Variants in VWA1 observed in about 807,000 individuals in gnomAD.
VWA1 encodes von Willebrand factor A domain-containing protein 1.
VWA1 carries 12 observed loss-of-function variants against 14.9 expected under a neutral mutation model. That is an observed-to-expected ratio of 0.80 (90% CI 0.52 to 1.30). The LOEUF is 1.30. Ranked by LOEUF, VWA1 falls within the 50% of genes most tolerant of loss-of-function variation. The pLI, the probability that VWA1 is intolerant of heterozygous loss-of-function variation, is 0.00. For missense variants in VWA1, 800 were observed against 649.1 expected, an observed-to-expected ratio of 1.23 and a Z score of -2.53; for synonymous variants, 368 against 310.7, an observed-to-expected ratio of 1.18 and a Z score of -1.94.
chr1:1,438,886 G>C (rs563504367), intron 2 of VWA1, among the ~76,000 whole-genome samples, 195 bp from the exon 3 acceptor site: 43 of 152,300 alleles, frequency 2.8e-4, no homozygotes, highest in African/African-American at 9.4e-4. Context: ...CCTTTCCTCC[G>C]TCCTCCCCCA....
Position 1,439,272 on chromosome 1 carries a change from C to T in VWA1, c.823C>T (p.Pro275Ser). ...GGACTGGATCTGGGCCGGCCTCGAC[C>T]CGGACACGGACTACGACGTGGCGCT... is the stretch of plus-strand genomic sequence containing the variant. ...ATDWIWAGLD[P>S]DTDYDVALVP... Residue 275 changes from proline to serine, a missense_variant, in exon 3 of 3, where the codon CCG becomes TCG. Pro to Ser is a moderately conservative substitution (Grantham distance 74). Transcript: ENST00000476993. The T allele has an allele frequency of 6.2e-7, 1 of 1,605,728 alleles. No individual in the cohort carries two copies.
Position 1,439,309 on chromosome 1 carries a change from C to T in VWA1, c.860C>T (p.Ser287Phe). ...TDYDVALVPE[S>F]NVRLLRPQIL... ...TACGACGTGGCGCTAGTGCCTGAGT[C>T]CAACGTGCGCCTCCTGAGGCCCCAG... The change falls in exon 3 of 3, where the codon TCC becomes TTC. Residue 287 changes from serine (S) to phenylalanine (F), a missense_variant. Coordinates refer to ENST00000476993, the MANE Select transcript of VWA1 (RefSeq NM_022834.5). 1 of 1,592,522 alleles carries T rather than the reference C, an allele frequency of 6.3e-7. No homozygotes were observed. The highest frequency in any genetic ancestry group is 8.5e-7 in the Non-Finnish European group (1 of 1,174,086).
intron 1 of VWA1, 182 bp from the exon 2 acceptor site, chr1:1,436,745 G>A: frequency 1.6e-6 from 1 of 614,766 alleles, no homozygotes; most frequent in Non-Finnish European, 2.8e-6. Context: ...CATGGCCAGT[G>A]TGCAGTGAAA....
At position 1,440,464 on chromosome 1, in the gene VWA1, C is replaced by T. The variant is rs971888568; in HGVS notation, c.*677C>T. On this transcript the variant is annotated 3_prime_UTR_variant, in exon 3 of 3. Coordinates refer to ENST00000476993, the MANE Select transcript of VWA1 (RefSeq NM_022834.5). Reference sequence around the variant, plus strand: ...ACCCGCCCACCGCCACTATCAGGCCCCGGGACCGCACTGACAGGAAACCTT... The same window carrying T: ...ACCCGCCCACCGCCACTATCAGGCCTCGGGACCGCACTGACAGGAAACCTT... The T allele has an allele frequency of 4.8e-5, 8 of 166,894 alleles. No homozygotes were observed. Among genetic ancestry groups the T allele is most frequent in the African/African-American group, 1.7e-4 (7 of 41,436 alleles). 10.3% of individuals were successfully genotyped at this position (166,894 alleles called of 1,614,324 possible).
Position 1,439,180 on chromosome 1 carries a change from T to C in VWA1, c.731T>C (p.Val244Ala). 2 of 1,605,696 alleles carry C rather than the reference T, an allele frequency of 1.2e-6. No homozygotes were observed. The highest frequency in any genetic ancestry group is 1.7e-6 in the Non-Finnish European group (2 of 1,179,382). ...PLLTADSGYY[V>A]LELVPSAQPG... is the part of the protein sequence containing the mutation. The stretch of plus-strand genomic sequence containing the variant: ...CTGACCGCAGACTCGGGCTACTATG[T>C]GCTGGAGCTGGTGCCCAGCGCCCAG... The change falls in exon 3 of 3, where the codon GTG (valine) becomes GCG (alanine). Residue 244 changes from valine (V) to alanine (A), a missense_variant. Transcript: ENST00000476993.
Position 1,439,712 on chromosome 1 carries a change from G to A in VWA1, c.1263G>A (p.Thr421=). ...RESALSAKAC[T]PDGPRPRPRP... ...GCGCGCTGTCCGCCAAGGCCTGCAC[G>A]CCCGACGGCCCGCGCCCGCGCCCAC... The change falls in exon 3 of 3, where the codon ACG becomes ACA. Residue 421 remains threonine, a synonymous_variant. Transcript: ENST00000476993. The A allele has an allele frequency of 8.6e-7, 1 of 1,162,228 alleles. No individual in the cohort carries two copies. Among genetic ancestry groups the A allele is most frequent in the Non-Finnish European group, 1.1e-6 (1 of 940,208 alleles). The allele number at this position is 1,162,228 out of a possible 1,614,324, so 72.0% of individuals were successfully genotyped here. A position where few individuals can be genotyped will look rare whatever the true frequency, so the allele number is the denominator to read the frequency against.
At position 1,437,295 on chromosome 1, in the gene VWA1, A is replaced by G; in HGVS notation, c.442A>G (p.Ser148Gly). ...VLVWVTDGGS[S>G]DPVGPPMQEL... ...GGTGTGGGTGACAGATGGCGGCTCC[A>G]GCGACCCTGTGGGCCCCCCCATGCA... Residue 148 changes from serine (S) to glycine (G), a missense_variant, in exon 2 of 3, where the codon AGC (serine) becomes GGC (glycine). Physicochemically the swap from Ser to Gly is moderately conservative, Grantham distance 56. Transcript: ENST00000476993. 1 of 1,610,680 alleles carries G rather than the reference A, an allele frequency of 6.2e-7. No individual in the cohort carries two copies. Among genetic ancestry groups the G allele is most frequent in the East Asian group, 2.2e-5 (1 of 44,842 alleles).
In VWA1 at chr1:1,437,455, T is replaced by C; in HGVS notation, c.602T>C (p.Ile201Thr). The C allele has an allele frequency of 2.5e-6, 4 of 1,610,544 alleles. No homozygotes were observed. The highest frequency in any genetic ancestry group is 1.3e-5 in the African/African-American group (1 of 74,998). ...HFVDVDDLHI[I>T]VQELRGSILD... ...GTGGACGTGGATGACCTGCACATCA[T>C]TGTCCAAGAGCTGAGGGGCTCCATT... is the stretch of plus-strand genomic sequence containing the variant. Residue 201 changes from isoleucine (I) to threonine (T), a missense_variant, in exon 2 of 3, where the codon ATT becomes ACT. Ile to Thr is a moderately conservative substitution (Grantham distance 89). Coordinates refer to ENST00000476993, the MANE Select transcript of VWA1 (RefSeq NM_022834.5).
chr1:1,439,434 G>T lies in VWA1; in HGVS notation c.985G>T (p.Ala329Ser), dbSNP rs2100455578. ...PAPTQLAALPAPEEAGPERIV... is the reference protein window; with the variant it reads ...PAPTQLAALPSPEEAGPERIV... ...CCCCACGCAGCTCGCCGCCCTCCCCGCCCCAGAGGAGGCCGGGCCAGAGCG... is the reference window on the plus strand; with the variant it reads ...CCCCACGCAGCTCGCCGCCCTCCCCTCCCCAGAGGAGGCCGGGCCAGAGCG... Residue 329 changes from alanine (A) to serine (S), a missense_variant, in exon 3 of 3, where the codon GCC becomes TCC. By Grantham distance (99) the Ala-to-Ser change is moderately conservative. Transcript: ENST00000476993. The T allele has an allele frequency of 1.4e-6, 2 of 1,402,988 alleles. No individual in the cohort carries two copies. The highest frequency in any genetic ancestry group is 1.5e-5 in the African/African-American group (1 of 64,976). 86.9% of individuals were successfully genotyped at this position (1,402,988 alleles called of 1,614,324 possible). A position where few individuals can be genotyped will look rare whatever the true frequency, so the allele number is the denominator to read the frequency against.
Position 1,439,636 on chromosome 1 carries a change from G to T in VWA1, c.1187G>T (p.Gly396Val). The T allele has an allele frequency of 7.6e-7, 1 of 1,318,034 alleles. No homozygotes were observed. Among genetic ancestry groups the T allele is most frequent in the South Asian group, 1.5e-5 (1 of 65,566 alleles). 81.6% of individuals were successfully genotyped at this position (1,318,034 alleles called of 1,614,324 possible). A position where few individuals can be genotyped will look rare whatever the true frequency, so the allele number is the denominator to read the frequency against. The change falls in exon 3 of 3, where the codon GGC becomes GTC. Residue 396 changes from glycine (G) to valine (V), a missense_variant. Gly to Val is a moderately radical substitution (Grantham distance 109, BLOSUM62 -3). Coordinates refer to ENST00000476993, the MANE Select transcript of VWA1 (RefSeq NM_022834.5). ...NCTTLQGLAP[G>V]TAYLVTVTAA... ...ACCACGCTGCAGGGCCTGGCGCCGG[G>T]CACCGCCTACCTGGTGACCGTGACC...
At position 1,439,736 on chromosome 1, in the gene VWA1, A is replaced by G. The variant is rs1038147377; in HGVS notation, c.1287A>G (p.Pro429=). The G allele has an allele frequency of 2.1e-5, 23 of 1,116,184 alleles. No individual in the cohort carries two copies. The highest frequency in any genetic ancestry group is 3.2e-5 in the South Asian group (1 of 30,982). The allele number at this position is 1,116,184 out of a possible 1,614,324, so 69.1% of individuals were successfully genotyped here. A position where few individuals can be genotyped will look rare whatever the true frequency, so the allele number is the denominator to read the frequency against. ...ACTPDGPRPR[P]RPVPRAPTPG... is the part of the protein sequence containing the mutation. ...CGCCCGACGGCCCGCGCCCGCGCCCACGCCCCGTGCCCCGCGCCCCGACCC... is the reference window on the plus strand; with the variant it reads ...CGCCCGACGGCCCGCGCCCGCGCCCGCGCCCCGTGCCCCGCGCCCCGACCC... Residue 429 remains proline (P), a synonymous_variant, in exon 3 of 3, where the codon CCA becomes CCG. Transcript: ENST00000476993.
chr1:1,439,733 C>A lies in VWA1; in HGVS notation c.1284C>A (p.Arg428=). The change falls in exon 3 of 3, where the codon CGC becomes CGA. Residue 428 remains arginine (R), a synonymous_variant. Transcript: ENST00000476993. ...GCACGCCCGACGGCCCGCGCCCGCGCCCACGCCCCGTGCCCCGCGCCCCGA... is the reference window on the plus strand; with the variant it reads ...GCACGCCCGACGGCCCGCGCCCGCGACCACGCCCCGTGCCCCGCGCCCCGA... The part of the protein sequence containing the change: ...KACTPDGPRP[R]PRPVPRAPTP... The A allele has an allele frequency of 8.9e-7, 1 of 1,118,728 alleles. No individual in the cohort carries two copies. The allele number at this position is 1,118,728 out of a possible 1,614,324, so 69.3% of individuals were successfully genotyped here. A position where few individuals can be genotyped will look rare whatever the true frequency, so the allele number is the denominator to read the frequency against.
rs769761723 is a variant in VWA1 at position 1,437,014 on chromosome 1, G to C, written c.161G>C (p.Arg54Pro). 2.1e-5 allele frequency: 34 copies of C among 1,612,336 alleles called. No homozygotes were observed. In the Admixed American group the frequency reaches 5.7e-4, roughly 27 times the overall value. ...SVSHYEFSRVREFVGQLVAPL... is the reference protein window; with the variant it reads ...SVSHYEFSRVPEFVGQLVAPL... The stretch of plus-strand genomic sequence containing the variant: ...TCTCACTACGAGTTCTCCCGGGTTC[G>C]GGAGTTTGTGGGGCAGCTGGTGGCT... The change falls in exon 2 of 3, where the codon CGG becomes CCG. Residue 54 changes from arginine to proline, a missense_variant. By Grantham distance (103) the Arg-to-Pro change is moderately radical (BLOSUM62 -2). Coordinates refer to ENST00000476993, the MANE Select transcript of VWA1 (RefSeq NM_022834.5).
intron 2 of VWA1, among the ~76,000 whole-genome samples, chr1:1,438,760 G>A (rs931010830): frequency 2.0e-5 from 3 of 152,292 alleles, no homozygotes; most frequent in East Asian, 1.9e-4. Context: ...GGACTCTGCC[G>A]TCTTTGAGGA....
At chr1:1,436,442 G>T (rs562147069) in intron 1 of VWA1, among the ~76,000 whole-genome samples, 2 of 152,214 alleles carry the variant, frequency 1.3e-5, no homozygotes, top group East Asian at 1.9e-4. Context: ...CAGGCCATCC[G>T]GCGTGGTCAT....
chr1:1,436,889 G>A (rs189168594), intron 1 of VWA1, 38 bp from the exon 2 acceptor site: 1 of 1,533,852 alleles, frequency 6.5e-7, no homozygotes, highest in Non-Finnish European at 8.8e-7. Flanking sequence ...TGTCTGGGGG[G>A]CCCACACCTG....
Position 1,439,526 on chromosome 1 carries a change from C to A in VWA1, c.1077C>A (p.Ala359=). 1.5e-6 allele frequency: 2 copies of A among 1,366,894 alleles called. No homozygotes were observed. Among genetic ancestry groups the A allele is most frequent in the Non-Finnish European group, 1.9e-6 (2 of 1,063,316 alleles). The allele number at this position is 1,366,894 out of a possible 1,614,324, so 84.7% of individuals were successfully genotyped here. A position where few individuals can be genotyped will look rare whatever the true frequency, so the allele number is the denominator to read the frequency against. The change falls in exon 3 of 3, where the codon GCC becomes GCA. Residue 359 remains alanine, a synonymous_variant. Coordinates refer to ENST00000476993, the MANE Select transcript of VWA1 (RefSeq NM_022834.5). ...GTTGGGCCCCAGCGCTGGGCTCAGC[C>A]GCGGCGCTCGGCTACCACGTGCAGT... The part of the protein sequence containing the change: ...RVSWAPALGS[A]AALGYHVQFG...
In VWA1 at chr1:1,439,573, A is replaced by C. The variant is rs1350089143; in HGVS notation, c.1124A>C (p.Glu375Ala). The C allele has an allele frequency of 3.1e-6, 4 of 1,303,430 alleles. No individual in the cohort carries two copies. In the East Asian group the frequency reaches 1.6e-4, roughly 51 times the overall value. The allele number at this position is 1,303,430 out of a possible 1,614,324, so 80.7% of individuals were successfully genotyped here. A position where few individuals can be genotyped will look rare whatever the true frequency, so the allele number is the denominator to read the frequency against. Residue 375 changes from glutamate to alanine, a missense_variant, in exon 3 of 3, where the codon GAG becomes GCG. Coordinates refer to ENST00000476993, the MANE Select transcript of VWA1 (RefSeq NM_022834.5). ...HVQFGPLRGG[E>A]AQRVEVPAGR... ...CAGTTCGGGCCGCTGCGGGGCGGGGAGGCGCAGCGGGTGGAGGTGCCCGCG... is the reference window on the plus strand; with the variant it reads ...CAGTTCGGGCCGCTGCGGGGCGGGGCGGCGCAGCGGGTGGAGGTGCCCGCG...
chr1:1,439,525 CCGCGGCGCTCGGCTACCA>C lies in VWA1; in HGVS notation c.1079_1096del (p.Ala360_His365del). The C allele has an allele frequency of 7.3e-7, 1 of 1,367,670 alleles. No homozygotes were observed. The highest frequency in any genetic ancestry group is 9.4e-7 in the Non-Finnish European group (1 of 1,063,738). The allele number at this position is 1,367,670 out of a possible 1,614,324, so 84.7% of individuals were successfully genotyped here. On this transcript the variant is annotated inframe_deletion, in exon 3 of 3. Transcript: ENST00000476993. ...AGTTGGGCCCCAGCGCTGGGCTCAG[CCGCGGCGCTCGGCTACCA>C]CGTGCAGTTCGGGCCGCTGCGGGGC...
Sources: gnomAD v4.1 joint callset for allele counts (sites outside exome capture counted in the v4.1 genomes callset) on GRCh38, gnomAD v4.1.1 for gene constraint, MANE v1.5 for transcripts, NCBI Gene and HGNC (gene_info 2026-07-23, HGNC 2026-07-21) for gene names.